TMEM130: variants seen among roughly 807,000 people sequenced by gnomAD.
TMEM130 encodes transmembrane protein 130.
Under a neutral mutation model 42.9 loss-of-function variants are expected in TMEM130, and 37 were observed. The ratio of observed to expected loss-of-function variants is 0.86; its 90% CI spans 0.66 to 1.13. The LOEUF is 1.13. Ranked by LOEUF, TMEM130 falls within the 50% of genes most tolerant of loss-of-function variation. TMEM130 has a pLI of 0.00. For synonymous variants in TMEM130, 259 were observed against 237.7 expected, an observed-to-expected ratio of 1.09 and a Z score of -0.82; for missense variants, 545 against 562.6, an observed-to-expected ratio of 0.97 and a Z score of 0.32.
intron 3 of TMEM130, 34 bp from the exon 4 acceptor site, chr7:98,856,217 C>A: frequency 2.5e-6 from 4 of 1,602,798 alleles, no homozygotes; most frequent in Non-Finnish European, 3.4e-6. Flanking sequence ...AGGAGGAAGA[C>A]AGCAGACGGT....
rs200407159 is a variant in TMEM130 at position 98,855,258 on chromosome 7, G to A, written c.785C>T (p.Thr262Ile). Reference sequence around the variant, plus strand: ...CACTTACCTCCCCAGGAAGTTCAAGGTCACGGTCATCTTTTGGAAGGTCTG... The same window carrying A: ...CACTTACCTCCCCAGGAAGTTCAAGATCACGGTCATCTTTTGGAAGGTCTG... ...LIQTFQKMTV[T>I]LNFLGSPPLT... The change falls in exon 5 of 8, where the codon ACC (threonine) becomes ATC (isoleucine). Residue 262 changes from threonine to isoleucine, a missense_variant. Coordinates refer to ENST00000339375, the MANE Select transcript of TMEM130 (RefSeq NM_152913.3). 116 of 1,613,534 alleles carry A rather than the reference G, an allele frequency of 7.2e-5. No individual in the cohort carries two copies. Among genetic ancestry groups the A allele is most frequent in the Non-Finnish European group, 1.2e-5 (14 of 1,179,706 alleles).
In TMEM130 at chr7:98,869,216, G is replaced by A; in HGVS notation, c.85+561C>T. 1.6e-6 allele frequency: 2 copies of A among 1,288,948 alleles called. No individual in the cohort carries two copies. The highest frequency in any genetic ancestry group is 2.0e-6 in the Non-Finnish European group (2 of 988,702). 79.8% of individuals were successfully genotyped at this position (1,288,948 alleles called of 1,614,324 possible). On this transcript the variant is annotated intron_variant, in intron 1 of 7. Coordinates refer to ENST00000339375, the MANE Select transcript of TMEM130 (RefSeq NM_152913.3). This position sits in a 1 kb window ranked among gnomAD's most constrained non-coding sequence, Gnocchi z 4.7. Reference sequence around the variant, plus strand: ...ACCCACACACACACCCCAGGAACCTGTCAGCTCCGGGTCCATTTTGGAAAT... The same window carrying A: ...ACCCACACACACACCCCAGGAACCTATCAGCTCCGGGTCCATTTTGGAAAT...
At chr7:98,860,103 G>A (rs895409013) in intron 3 of TMEM130, 76 bp downstream of exon 3, 54 of 1,291,600 alleles carry the variant, frequency 4.2e-5, no homozygotes, top group Middle Eastern at 2.3e-4. Context: ...GAAGAGATTC[G>A]GAGTACCCTG....
chr7:98,849,178 G>A (rs1022306774), intron 6 of TMEM130, among the ~76,000 whole-genome samples: 2 of 152,148 alleles, frequency 1.3e-5, no homozygotes, highest in Non-Finnish European at 2.9e-5. Context: ...GCAACTGCAG[G>A]CTCACCCAAT....
intron 3 of TMEM130, among the ~76,000 whole-genome samples, chr7:98,859,717 A>C (rs1207750665): frequency 1.5e-5 from 2 of 131,524 alleles, no homozygotes; most frequent in African/African-American, 4.9e-5. Flanking sequence ...TCTACTAAAA[A>C]ATATAAATAA....
At chr7:98,852,113 A>AT (rs1554398375) in intron 5 of TMEM130, among the ~76,000 whole-genome samples, 1 of 151,744 alleles carries the variant, frequency 6.6e-6, no homozygotes, top group Non-Finnish European at 1.5e-5. Flanking sequence ...TGCCCAACTA[A>AT]TTTTTTAATT....
chr7:98,857,428 G>A (rs1386039315), intron 3 of TMEM130, among the ~76,000 whole-genome samples: 1 of 152,102 alleles, frequency 6.6e-6, no homozygotes, highest in Non-Finnish European at 1.5e-5. Context: ...TGCCAGGCAC[G>A]ATGGCTCACC....
In TMEM130 at chr7:98,869,369, C is replaced by T; in HGVS notation, c.85+408G>A. On this transcript the variant is annotated intron_variant, in intron 1 of 7. Transcript: ENST00000339375. This position sits in a 1 kb window ranked among gnomAD's most constrained non-coding sequence, Gnocchi z 4.7. ...ATTTTAAGGCAAAAACGTTGCCCAT[C>T]CCGTGCTCCCTGGGGGACTGGGGAA... is the stretch of plus-strand genomic sequence containing the variant. 3.3e-6 allele frequency: 4 copies of T among 1,206,766 alleles called. No homozygotes were observed. The highest frequency in any genetic ancestry group is 4.2e-6 in the Non-Finnish European group (4 of 954,260). The allele number at this position is 1,206,766 out of a possible 1,614,324, so 74.8% of individuals were successfully genotyped here.
intron 5 of TMEM130, among the ~76,000 whole-genome samples, chr7:98,852,590 G>C (rs1794535771): frequency 6.6e-6 from 1 of 151,198 alleles, no homozygotes; most frequent in Admixed American, 6.6e-5. Context: ...TGTTTGTTTT[G>C]TTTTTGTTTT....
At chr7:98,860,741 A>T (rs1467145331) in intron 2 of TMEM130, among the ~76,000 whole-genome samples, 5 of 151,854 alleles carry the variant, frequency 3.3e-5, no homozygotes, top group African/African-American at 7.2e-5. Context: ...TCAAGAGTTC[A>T]AGACCAGCCT....
In TMEM130 at chr7:98,848,566, C is replaced by A. The variant is rs1446131590; in HGVS notation, c.1119+17G>T. On this transcript the variant is annotated intron_variant, in intron 7 of 7. Coordinates refer to ENST00000339375, the MANE Select transcript of TMEM130 (RefSeq NM_152913.3). ...GCAAGGCCCAGTAGTCCAGCCCCCA[C>A]CCCACTGAGTACCCACCTCCACCAT... 6 of 1,550,172 alleles carry A rather than the reference C, an allele frequency of 3.9e-6. No individual in the cohort carries two copies. The highest frequency in any genetic ancestry group is 5.3e-6 in the Non-Finnish European group (6 of 1,121,704).
intron 5 of TMEM130, among the ~76,000 whole-genome samples, chr7:98,851,849 G>C (rs775779472): frequency 6.6e-6 from 1 of 152,152 alleles, no homozygotes; most frequent in Admixed American, 6.5e-5. Flanking sequence ...GGCCAACAGA[G>C]ATACGCATAG....
chr7:98,864,044 C>A (rs1794854116), intron 1 of TMEM130, among the ~76,000 whole-genome samples: 1 of 152,020 alleles, frequency 6.6e-6, no homozygotes, highest in Middle Eastern at 3.2e-3. Context: ...AGGCACACAC[C>A]ACCACACCCA....
intron 6 of TMEM130, among the ~76,000 whole-genome samples, chr7:98,850,270 TATA>T (rs1365868374): frequency 0.054 from 2,405 of 44,374 alleles, 84 homozygotes; most frequent in South Asian, 0.1. Flanking sequence ...TATATATATA[TATA>T]TTTTTTTTTT....
chr7:98,860,795 T>A (rs916686551), intron 2 of TMEM130, among the ~76,000 whole-genome samples: 2 of 151,136 alleles, frequency 1.3e-5, no homozygotes, highest in Non-Finnish European at 2.9e-5. Context: ...ACACAAAAAT[T>A]AGCCAGGTGT....
chr7:98,855,321 G>A lies in TMEM130; in HGVS notation c.722C>T (p.Thr241Ile). The A allele has an allele frequency of 6.2e-7, 1 of 1,612,044 alleles. No homozygotes were observed. The highest frequency in any genetic ancestry group is 8.5e-7 in the Non-Finnish European group (1 of 1,178,890). ...DFSASLKLQE[T>I]LRGIQVLGPT... Reference sequence around the variant, plus strand: ...CCCCAACACTTGGATGCCTCGAAGGGTTTCTGTAAGGCAGAGAGAACCCCG... The same window carrying A: ...CCCCAACACTTGGATGCCTCGAAGGATTTCTGTAAGGCAGAGAGAACCCCG... The change falls in exon 5 of 8, where the codon ACC (threonine) becomes ATC (isoleucine). Residue 241 changes from threonine (T) to isoleucine (I), a missense_variant. Transcript: ENST00000339375.
At chr7:98,860,086 TA>T in intron 3 of TMEM130, 92 bp downstream of exon 3, 2 of 1,148,824 alleles carry the variant, frequency 1.7e-6, no homozygotes, top group Non-Finnish European at 2.3e-6. Context: ...AAAAAAAAAT[TA>T]AAGGTGAAGA....
chr7:98,860,180 C>G lies in TMEM130; in HGVS notation c.550G>C (p.Gly184Arg). 6.2e-7 allele frequency: 1 copy of G among 1,611,066 alleles called. No individual in the cohort carries two copies. The highest frequency in any genetic ancestry group is 8.5e-7 in the Non-Finnish European group (1 of 1,178,392). ...LFLYSWDFGDGTQMVTEDSVV... is the reference protein window; with the variant it reads ...LFLYSWDFGDRTQMVTEDSVV... Reference sequence around the variant, plus strand: ...GCCTGCAGAGGGGTAAGGACCTACCCGTCCCCGAAGTCCCAGCTGTAGAGA... The same window carrying G: ...GCCTGCAGAGGGGTAAGGACCTACCGGTCCCCGAAGTCCCAGCTGTAGAGA... The change falls in exon 3 of 8, where the codon GGG becomes CGG. Residue 184 changes from glycine to arginine, a missense_variant and splice_region_variant. Physicochemically the swap from Gly to Arg is moderately radical, Grantham distance 125. Coordinates refer to ENST00000339375, the MANE Select transcript of TMEM130 (RefSeq NM_152913.3).
Position 98,863,104 on chromosome 7 carries a change from G to A in TMEM130, c.382C>T (p.Pro128Ser). 1 of 1,612,152 alleles carries A rather than the reference G, an allele frequency of 6.2e-7. No homozygotes were observed. Among genetic ancestry groups the A allele is most frequent in the Non-Finnish European group, 8.5e-7 (1 of 1,179,170 alleles). ...TGGGAGCGACCCTCACCTGTGATGGGGAGGACCACAAAGCCCCTGGCCACA... is the reference window on the plus strand; with the variant it reads ...TGGGAGCGACCCTCACCTGTGATGGAGAGGACCACAAAGCCCCTGGCCACA... The part of the protein sequence containing the change: ...QPVARGFVVL[P>S]ITEFLVGDLV... The change falls in exon 2 of 8, where the codon CCC becomes TCC. Residue 128 changes from proline to serine, a missense_variant. Coordinates refer to ENST00000339375, the MANE Select transcript of TMEM130 (RefSeq NM_152913.3).
Sources: gnomAD v4.1 joint callset for allele counts (sites outside exome capture counted in the v4.1 genomes callset) on GRCh38, gnomAD v4.1.1 for gene constraint, Gnocchi (gnomAD v3.1) non-coding constraint, MANE v1.5 for transcripts, NCBI Gene and HGNC (gene_info 2026-07-23, HGNC 2026-07-21) for gene names.